EMG1: variants seen among roughly 807,000 people sequenced by gnomAD.
EMG1 encodes EMG1 N1-specific pseudouridine methyltransferase.
Under a neutral mutation model 26.9 loss-of-function variants are expected in EMG1, and 24 were observed. The ratio of observed to expected loss-of-function variants is 0.89; its 90% confidence interval spans 0.65 to 1.26. The LOEUF is 1.26. Among genes scored for constraint, EMG1 ranks in the 50% most tolerant of loss-of-function variants. The probability of loss-of-function intolerance (pLI) is 0.00; values close to 1 mark genes in which losing one functional copy is unlikely to be tolerated. For missense variants in EMG1, 299 were observed against 307.6 expected, an observed-to-expected ratio of 0.97 and a Z score of 0.21; for synonymous variants, 140 against 112.6, an observed-to-expected ratio of 1.24 and a Z score of -1.54.
intron 7 of EMG1, among the ~76,000 whole-genome samples, chr12:6,994,197 T>G (rs1555155828): frequency 1.3e-5 from 2 of 152,110 alleles, no homozygotes. Context: ...GGAATGGATC[T>G]CCTGGATCTT....
downstream of EMG1, chr12:6,983,235 GT>G: frequency 1.9e-6 from 1 of 515,490 alleles, no homozygotes; most frequent in Non-Finnish European, 3.5e-6. Context: ...CCCTCAAAAT[GT>G]TTTTATCTGA....
Position 6,975,965 on chromosome 12 carries a change from C to G in EMG1, c.*156C>G, listed in dbSNP as rs1591709257. On this transcript the variant is annotated 3_prime_UTR_variant, in exon 6 of 6. Transcript: ENST00000599672. ...TTGCTATTTGTTTATCCTATGAATA[C>G]TGTTCTTGCAAACCTGGTTGTTTTG... 3.4e-6 allele frequency: 2 copies of G among 592,094 alleles called. No homozygotes were observed. Among genetic ancestry groups the G allele is most frequent in the Admixed American group, 3.0e-5 (1 of 33,686 alleles). 36.7% of individuals were successfully genotyped at this position (592,094 alleles called of 1,614,324 possible). A position where few individuals can be genotyped will look rare whatever the true frequency, so the allele number is the denominator to read the frequency against.
chr12:6,994,688 C>T (rs1946622020), intron 7 of EMG1, among the ~76,000 whole-genome samples: 1 of 152,222 alleles, frequency 6.6e-6, no homozygotes, highest in South Asian at 2.1e-4. Context: ...CTCCTGAGCT[C>T]AAGCAATCTG....
Position 6,987,630 on chromosome 12 carries a change from T to C in EMG1, c.*155-152T>C, listed in dbSNP as rs1231747115. Among the ~76,000 whole-genome samples, 11 of 152,258 alleles carry C rather than the reference T, an allele frequency of 7.2e-5. 1 individual carries two copies. ...AAATAAAAAAATATAAAACAGTAGA[T>C]AATTATCTAGAGCACTCATAAATAA... On this transcript the variant is annotated intron_variant and NMD_transcript_variant, in intron 6 of 7. Coordinates refer to the EMG1 transcript ENST00000261406. The surrounding 1 kb of genome is among the most constrained non-coding windows in gnomAD (Gnocchi z 4.1).
intron 7 of EMG1, among the ~76,000 whole-genome samples, chr12:6,994,671 TCTCGAA>T (rs1946621788): frequency 6.6e-6 from 1 of 151,650 alleles, no homozygotes; most frequent in Non-Finnish European, 1.5e-5. Flanking sequence ...CTCAGGCTGG[TCTCGAA>T]CTCCTGAGCT....
chr12:6,981,697 C>CT (rs1946472903), downstream of EMG1: 2 of 896,138 alleles, frequency 2.2e-6, no homozygotes, highest in Admixed American at 2.0e-5. Context: ...GGCCTGTAGA[C>CT]TGAGTGCAGC....
chr12:6,977,369 T>C lies in EMG1; in HGVS notation c.*1560T>C, dbSNP rs111742644. On this transcript the variant is annotated 3_prime_UTR_variant, in exon 6 of 6. Coordinates refer to ENST00000599672, the MANE Select transcript of EMG1 (RefSeq NM_006331.8). The surrounding 1 kb of genome is among the most constrained non-coding windows in gnomAD (Gnocchi z 4.5). ...CTCACAAGCAGGCCTTCACTTGCCT[T>C]AAGCCATTTGTCCCACGTGAAGAGG... is the stretch of plus-strand genomic sequence containing the variant. The C allele has an allele frequency of 6.2e-7, 1 of 1,614,184 alleles. No individual in the cohort carries two copies.
chr12:6,983,274 G>C, downstream of EMG1: 1 of 614,004 alleles, frequency 1.6e-6, no homozygotes, highest in Non-Finnish European at 2.9e-6. Context: ...AAGAAAAAAA[G>C]GAAAAGTTAA....
downstream of EMG1, among the ~76,000 whole-genome samples, chr12:6,991,127 G>A (rs1346906780): frequency 6.6e-6 from 1 of 152,022 alleles, no homozygotes; most frequent in Non-Finnish European, 1.5e-5. Context: ...ATAAATTTAT[G>A]GCCTCTGTCT....
intron 7 of EMG1, among the ~76,000 whole-genome samples, chr12:6,993,951 AAAC>A (rs1555155793): frequency 6.6e-6 from 1 of 152,140 alleles, no homozygotes; most frequent in East Asian, 1.9e-4. Context: ...ATCAGCTGAC[AAAC>A]AACTGGGTTG....
downstream of EMG1, among the ~76,000 whole-genome samples, chr12:6,990,536 A>G: frequency 7.1e-6 from 1 of 141,466 alleles, no homozygotes; most frequent in African/African-American, 2.6e-5. Context: ...AAAATAAATA[A>G]ATAAATAAAT....
Position 6,975,343 on chromosome 12 carries a change from A to T in EMG1, c.586A>T (p.Ile196Phe). The stretch of plus-strand genomic sequence containing the variant: ...TGAGCTGGTGCCCAGCAGTGATCCT[A>T]TTGTTTTTGTGGTAGGGGCCTTTGC... ...VRELVPSSDP[I>F]VFVVGAFAHG... The change falls in exon 5 of 6, where the codon ATT (isoleucine) becomes TTT (phenylalanine). Residue 196 changes from isoleucine to phenylalanine, a missense_variant. Ile to Phe is a conservative substitution (Grantham distance 21). Coordinates refer to ENST00000599672, the MANE Select transcript of EMG1 (RefSeq NM_006331.8). 1.2e-6 allele frequency: 2 copies of T among 1,606,354 alleles called. No individual in the cohort carries two copies. Among genetic ancestry groups the T allele is most frequent in the Non-Finnish European group, 1.7e-6 (2 of 1,175,994 alleles).
At position 6,975,775 on chromosome 12, in the gene EMG1, C is replaced by T; in HGVS notation, c.701C>T (p.Thr234Ile). 5.6e-6 allele frequency: 9 copies of T among 1,612,786 alleles called. No homozygotes were observed. The highest frequency in any genetic ancestry group is 7.6e-6 in the Non-Finnish European group (9 of 1,178,800). Residue 234 changes from threonine to isoleucine, a missense_variant, in exon 6 of 6, where the codon ACC (threonine) becomes ATC (isoleucine). Transcript: ENST00000599672. ...LSAALTCAKL[T>I]TAFEEVWGVI ...GCTGCCCTCACCTGTGCAAAACTTA[C>T]CACAGCCTTTGAGGAAGTATGGGGG...
Position 6,979,371 on chromosome 12 carries a change from A to T in EMG1, c.*3562A>T. 1.2e-6 allele frequency: 1 copy of T among 852,776 alleles called. No homozygotes were observed. The highest frequency in any genetic ancestry group is 1.9e-6 in the Non-Finnish European group (1 of 522,614). 52.8% of individuals were successfully genotyped at this position (852,776 alleles called of 1,614,324 possible). Reference sequence around the variant, plus strand: ...TAGAGCAAAACCAACATGCACTTGTAGATGATATTTCCTACTTCTCTGCTA... The same window carrying T: ...TAGAGCAAAACCAACATGCACTTGTTGATGATATTTCCTACTTCTCTGCTA... On this transcript the variant is annotated 3_prime_UTR_variant, in exon 6 of 6. Coordinates refer to ENST00000599672, the MANE Select transcript of EMG1 (RefSeq NM_006331.8).
rs782545196 is a variant in EMG1, at chr12:6,979,007, A to G, written c.*3198A>G. On this transcript the variant is annotated 3_prime_UTR_variant, in exon 6 of 6. Transcript: ENST00000599672. ...TTAAGTACAGAGGGGCCCATATTGGATTTTAATTTAAGGAGAGAAACCTGC... is the reference window on the plus strand; with the variant it reads ...TTAAGTACAGAGGGGCCCATATTGGGTTTTAATTTAAGGAGAGAAACCTGC... 1.4e-4 allele frequency: 46 copies of G among 323,644 alleles called. No individual in the cohort carries two copies. The highest frequency in any genetic ancestry group is 9.8e-4 in the African/African-American group (46 of 46,810). The allele number at this position is 323,644 out of a possible 1,614,324, so 20.0% of individuals were successfully genotyped here. A position where few individuals can be genotyped will look rare whatever the true frequency, so the allele number is the denominator to read the frequency against.
chr12:6,990,720 T>G (rs1210591513), downstream of EMG1, among the ~76,000 whole-genome samples: 1 of 150,568 alleles, frequency 6.6e-6, no homozygotes, highest in Non-Finnish European at 1.5e-5. Context: ...GTCAGGAGTT[T>G]GAGACCATCC....
At chr12:6,981,301 T>C, downstream of EMG1, 1 of 821,796 alleles carries the variant, frequency 1.2e-6, no homozygotes, top group Non-Finnish European at 1.9e-6. Context: ...GCCTTCTCTT[T>C]GGGGGATGAC....
Position 6,994,332 on chromosome 12 carries a change from C to T in EMG1, c.*212-2893C>T, listed in dbSNP as rs781839045. Among the ~76,000 whole-genome samples the T allele has an allele frequency of 7.2e-5, 11 of 152,188 alleles. No individual in the cohort carries two copies. In the East Asian group the frequency reaches 1.9e-3, roughly 27 times the overall value. On this transcript the variant is annotated intron_variant and NMD_transcript_variant, in intron 7 of 7. Transcript: ENST00000607161. ...AAGTGATTCTCCTGTCTCAGCCTCC[C>T]GAGTAGCTGGGATTACAGGTGTGCA...
chr12:6,986,055 G>A (rs901026213), intron 6 of EMG1, among the ~76,000 whole-genome samples: 27 of 151,746 alleles, frequency 1.8e-4, no homozygotes, highest in African/African-American at 2.9e-4. Context: ...GATTACAGGC[G>A]TGAGCCACCA....
Sources: gnomAD v4.1 joint callset for allele counts (sites outside exome capture counted in the v4.1 genomes callset) on GRCh38, gnomAD v4.1.1 for gene constraint, Gnocchi (gnomAD v3.1) non-coding constraint, MANE v1.5 for transcripts, NCBI Gene and HGNC (gene_info 2026-07-23, HGNC 2026-07-21) for gene names.